The following CCP110 variants were observed in gnomAD, a reference collection of about 807,000 sequenced individuals.
The protein encoded by CCP110 is centriolar coiled-coil protein of 110 kDa.
CCP110 carries 43 observed loss-of-function variants against 105.5 expected under a neutral mutation model. The ratio of observed to expected loss-of-function variants is 0.41; its 90% confidence interval spans 0.32 to 0.53. CCP110 has a LOEUF of 0.53. CCP110 is among the 20% of genes least tolerant of loss of function. CCP110 has a pLI of 0.32. For synonymous variants in CCP110, 353 were observed against 392.1 expected (o/e 0.90, Z 1.18); for missense variants, 1,016 against 1,189.1 (o/e 0.85, Z 2.14).
At chr16:19,538,763 A>G (rs550235968) in intron 4 of CCP110, among the ~76,000 whole-genome samples, 1 of 152,132 alleles carries the variant, frequency 6.6e-6, no homozygotes, top group African/African-American at 2.4e-5. Context: ...TAAACACTTT[A>G]ACATCAAATT....
rs551368362 is a variant in CCP110, at chr16:19,548,503, A to G, written c.2901-12A>G. 6 of 1,501,502 alleles carry G rather than the reference A, an allele frequency of 4.0e-6. No homozygotes were observed. The African/African-American group carries it at 5.6e-5, about 14-fold the overall frequency. 93.0% of individuals were successfully genotyped at this position (1,501,502 alleles called of 1,614,324 possible). A position where few individuals can be genotyped will look rare whatever the true frequency, so the allele number is the denominator to read the frequency against. On this transcript the variant is annotated splice_polypyrimidine_tract_variant and intron_variant, in intron 13 of 14. Transcript: ENST00000381396. The surrounding 1 kb of genome is among the most constrained non-coding windows in gnomAD (Gnocchi z 4.1). ...ATGCCAGTGACTTATTAATTTTTTTATATTCAATTAGAACCCCTAAGACAT... is the reference window on the plus strand; with the variant it reads ...ATGCCAGTGACTTATTAATTTTTTTGTATTCAATTAGAACCCCTAAGACAT...
At chr16:19,545,118 C>G in exon 10 of CCP110, 3 of 1,610,206 alleles carry the variant, frequency 1.9e-6, no homozygotes, top group Non-Finnish European at 2.5e-6. Context: ...GTACGGTATT[C>G]ATGACATATT....
At chr16:19,545,137 T>C (rs1970418103) in exon 10 of CCP110, 1 of 1,612,670 alleles carries the variant, frequency 6.2e-7, no homozygotes, top group Non-Finnish European at 8.5e-7. Context: ...TTCTTTGTAA[T>C]GGATGCAGCT....
In CCP110 at chr16:19,548,436, C is replaced by T. The variant is rs907691346; in HGVS notation, c.2901-79C>T. ...TTATTTGTGCTTTGGACAGTTGATG[C>T]AATGTGATTGCTTTCTTTGAATTTT... On this transcript the variant is annotated intron_variant, in intron 13 of 14. Coordinates refer to ENST00000381396, the Ensembl canonical transcript of CCP110. The surrounding 1 kb of genome is among the most constrained non-coding windows in gnomAD (Gnocchi z 4.1). The T allele has an allele frequency of 3.4e-6, 3 of 876,554 alleles. No individual in the cohort carries two copies. Among genetic ancestry groups the T allele is most frequent in the East Asian group, 5.3e-5 (2 of 37,862 alleles). 54.3% of individuals were successfully genotyped at this position (876,554 alleles called of 1,614,324 possible).
chr16:19,525,633 T>C (rs1305048780), intron 1 of CCP110: 1 of 152,236 alleles, frequency 6.6e-6, no homozygotes, highest in East Asian at 1.9e-4. Flanking sequence ...CTTCGGTGTA[T>C]AGTCCGCCTT....
Position 19,546,368 on chromosome 16 carries a change from C to T in CCP110, c.2778-44C>T, listed in dbSNP as rs1341323179. ...ATTACATTTGTAAGCATGTTTTCTT[C>T]CCTTCTCTAAATACATTATGTCCTT... On this transcript the variant is annotated intron_variant, in intron 11 of 14. Transcript: ENST00000381396. The T allele has an allele frequency of 2.7e-6, 3 of 1,103,888 alleles. No individual in the cohort carries two copies. In the East Asian group the frequency reaches 7.1e-5, roughly 26 times the overall value. 68.4% of individuals were successfully genotyped at this position (1,103,888 alleles called of 1,614,324 possible). A position where few individuals can be genotyped will look rare whatever the true frequency, so the allele number is the denominator to read the frequency against.
chr16:19,540,135 G>A (rs1428317609), intron 4 of CCP110, among the ~76,000 whole-genome samples: 1 of 152,166 alleles, frequency 6.6e-6, no homozygotes, highest in African/African-American at 2.4e-5. Flanking sequence ...TATTTAGGAA[G>A]CTTGTATTGT....
At chr16:19,536,254 A>G (rs1263747194) in exon 4 of CCP110, 3 of 1,613,866 alleles carry the variant, frequency 1.9e-6, no homozygotes, top group African/African-American at 2.7e-5. Flanking sequence ...CAGCAACCCC[A>G]CAAGAAACTC....
intron 8 of CCP110, among the ~76,000 whole-genome samples, chr16:19,544,164 CTTTA>C (rs1970383817): frequency 6.6e-6 from 1 of 152,136 alleles, no homozygotes; most frequent in African/African-American, 2.4e-5. Flanking sequence ...TACTCTTTCT[CTTTA>C]TTTCTCATCT....
intron 3 of CCP110, among the ~76,000 whole-genome samples, chr16:19,533,712 C>T (rs925484886): frequency 1.1e-4 from 16 of 152,188 alleles, no homozygotes; most frequent in African/African-American, 3.6e-4. Flanking sequence ...GGTCTTTGTC[C>T]GTATCTTGTC....
intron 12 of CCP110, 71 bp from the exon 13 acceptor site, chr16:19,547,884 T>C: frequency 1.9e-6 from 2 of 1,046,822 alleles, no homozygotes; most frequent in South Asian, 1.3e-5. Flanking sequence ...TCATCTTTCA[T>C]CCGTTGAAAG....
chr16:19,540,843 A>C, intron 5 of CCP110, 56 bp downstream of exon 5: 2 of 1,566,466 alleles, frequency 1.3e-6, no homozygotes, highest in Non-Finnish European at 1.7e-6. Context: ...AAGGATACCT[A>C]TGAATTTTGG....
intron 2 of CCP110, among the ~76,000 whole-genome samples, chr16:19,530,038 A>G (rs1969807142): frequency 6.6e-6 from 1 of 151,914 alleles, no homozygotes; most frequent in Admixed American, 6.6e-5. Flanking sequence ...CCCTACAAAA[A>G]ATACAAAAAA....
chr16:19,530,909 C>T (rs1969844869), intron 2 of CCP110, among the ~76,000 whole-genome samples: 1 of 152,014 alleles, frequency 6.6e-6, no homozygotes, highest in Non-Finnish European at 1.5e-5. Context: ...CACTGTACTC[C>T]AACCTGAGAC....
chr16:19,544,751 A>C (rs1970403342), intron 8 of CCP110, 46 bp from the exon 9 acceptor site: 2 of 1,031,818 alleles, frequency 1.9e-6, no homozygotes, highest in Non-Finnish European at 3.0e-6. Flanking sequence ...CAGTGATCAC[A>C]AATCTTTCTA....
chr16:19,545,147 T>A (rs745618065), exon 10 of CCP110: 1 of 1,612,782 alleles, frequency 6.2e-7, no homozygotes, highest in South Asian at 1.1e-5. Flanking sequence ...TGGATGCAGC[T>A]GAAAGAATGT....
exon 4 of CCP110, chr16:19,536,542 C>T: frequency 1.2e-6 from 2 of 1,614,146 alleles, no homozygotes; most frequent in Non-Finnish European, 8.5e-7. Context: ...TTATTCCTGA[C>T]AAACCAAGCC....
chr16:19,538,509 C>T (rs1454755484), intron 4 of CCP110, among the ~76,000 whole-genome samples: 1 of 151,114 alleles, frequency 6.6e-6, no homozygotes, highest in Admixed American at 6.6e-5. Context: ...GTGGTTTTGC[C>T]ATGTTGGCCA....
intron 2 of CCP110, among the ~76,000 whole-genome samples, chr16:19,532,121 T>C (rs1448436592): frequency 1.3e-5 from 2 of 152,216 alleles, no homozygotes; most frequent in Non-Finnish European, 2.9e-5. Context: ...CTTTTTAACC[T>C]TTTAACTGAA....
Sources: gnomAD v4.1 joint callset for allele counts (sites outside exome capture counted in the v4.1 genomes callset) on GRCh38, gnomAD v4.1.1 for gene constraint, Gnocchi (gnomAD v3.1) non-coding constraint, MANE v1.5 for transcripts, NCBI Gene and HGNC (gene_info 2026-07-23, HGNC 2026-07-21) for gene names.